Variants in CCDC148 observed in about 807,000 individuals in gnomAD.
The protein encoded by CCDC148 is coiled-coil domain containing 148, also known as coiled-coil domain-containing protein 148.
Under a neutral mutation model 85.7 loss-of-function variants are expected in CCDC148, and 89 were observed. The ratio of observed to expected loss-of-function variants is 1.04; its 90% CI spans 0.87 to 1.24. The LOEUF (loss-of-function observed/expected upper bound fraction) is 1.24, where lower values mean the gene tolerates loss of function less well. Among genes scored for constraint, CCDC148 ranks in the 50% most tolerant of loss-of-function variants. CCDC148 has a pLI of 0.00. For synonymous variants in CCDC148, 230 were observed against 213.9 expected (o/e 1.08, Z -0.66); for missense variants, 692 against 671.7 (o/e 1.03, Z -0.33).
At chr2:158,339,146 T>TA (rs1682543371) in intron 5 of CCDC148, 61 bp from the exon 6 acceptor site, 1 of 1,194,322 alleles carries the variant, frequency 8.4e-7, no homozygotes. Context: ...TATTTATATT[T>TA]AAAGACACAA....
In CCDC148 at chr2:158,220,638, G is replaced by T; in HGVS notation, c.1327C>A (p.Leu443Met). The T allele has an allele frequency of 6.2e-7, 1 of 1,600,760 alleles. No individual in the cohort carries two copies. The stretch of plus-strand genomic sequence containing the variant: ...GACTGTTCAGCGATTAATTTCTTCA[G>T]TTCTTCTAGACGCTGAAGATCTCTC... ...EMRDLQRLEE[L>M]KKLIAEQSLK... is the part of the protein sequence containing the mutation. Residue 443 changes from leucine to methionine, a missense_variant, in exon 11 of 14, where the codon CTG becomes ATG. Leu to Met is a conservative substitution (Grantham distance 15, BLOSUM62 2). Transcript: ENST00000283233.
chr2:158,350,750 A>G (rs7578565), intron 2 of CCDC148, among the ~76,000 whole-genome samples: 25,805 of 152,028 alleles, frequency 0.17, 3,494 homozygotes, highest in African/African-American at 0.38. Context: ...TTTGTATTAT[A>G]TTTTTAATTG....
chr2:158,366,092 G>C, intron 1 of CCDC148: 1 of 1,480,124 alleles, frequency 6.8e-7, no homozygotes, highest in Non-Finnish European at 9.1e-7. Flanking sequence ...AAGGAAACGA[G>C]AGAACTAAAA....
At chr2:158,329,452 C>T (rs1235202028) in intron 7 of CCDC148, among the ~76,000 whole-genome samples, 1 of 152,000 alleles carries the variant, frequency 6.6e-6, no homozygotes, top group Non-Finnish European at 1.5e-5. Context: ...GTGATGCCTC[C>T]AGCTTTGTTC....
intron 1 of CCDC148, among the ~76,000 whole-genome samples, chr2:158,408,312 C>T (rs1686112222): frequency 6.6e-6 from 1 of 152,172 alleles, no homozygotes; most frequent in East Asian, 1.9e-4. Context: ...AGTCATATTG[C>T]TGTACGTTAG....
chr2:158,348,297 T>C (rs2105252586), intron 2 of CCDC148, among the ~76,000 whole-genome samples: 1 of 152,164 alleles, frequency 6.6e-6, no homozygotes, highest in African/African-American at 2.4e-5. Flanking sequence ...ACTATCAATT[T>C]ACTGGAAATA....
At chr2:158,365,136 C>T (rs1684139375) in intron 1 of CCDC148, among the ~76,000 whole-genome samples, 1 of 152,052 alleles carries the variant, frequency 6.6e-6, no homozygotes, top group Admixed American at 6.6e-5. Flanking sequence ...GAATAACAAT[C>T]ATTAAAAAGT....
intron 9 of CCDC148, among the ~76,000 whole-genome samples, chr2:158,272,510 A>ACT (rs1254704332): frequency 6.6e-6 from 1 of 152,112 alleles, no homozygotes; most frequent in East Asian, 1.9e-4. Flanking sequence ...AAAAGAGGAA[A>ACT]CTCTATAATG....
intron 2 of CCDC148, among the ~76,000 whole-genome samples, chr2:158,356,771 C>G (rs2105264650): frequency 7.0e-6 from 1 of 143,418 alleles, no homozygotes; most frequent in African/African-American, 2.6e-5. Context: ...GCTATAAAGA[C>G]ACATGCACAC....
At chr2:158,220,281 T>C (rs1424544662) in intron 11 of CCDC148, among the ~76,000 whole-genome samples, 1 of 152,212 alleles carries the variant, frequency 6.6e-6, no homozygotes, top group Non-Finnish European at 1.5e-5. Context: ...TTCCTCCTTC[T>C]GGGTCAAGAG....
At chr2:158,243,604 A>G (rs1332972599) in intron 10 of CCDC148, among the ~76,000 whole-genome samples, 2 of 152,160 alleles carry the variant, frequency 1.3e-5, no homozygotes, top group African/African-American at 2.4e-5. Flanking sequence ...GAAAAGATCC[A>G]TGAGAAGCAC....
intron 11 of CCDC148, among the ~76,000 whole-genome samples, chr2:158,200,360 C>T (rs1357165786): frequency 6.6e-6 from 1 of 152,104 alleles, no homozygotes; most frequent in Non-Finnish European, 1.5e-5. Context: ...TCCTCTTTCC[C>T]CTGAATTTCC....
intron 11 of CCDC148, among the ~76,000 whole-genome samples, chr2:158,218,132 C>T (rs574777813): frequency 6.6e-6 from 1 of 152,224 alleles, no homozygotes; most frequent in Admixed American, 6.5e-5. Context: ...GCCTTTTTCA[C>T]TGATTTTCCA....
chr2:158,302,126 C>T (rs1045831456), intron 9 of CCDC148, among the ~76,000 whole-genome samples: 3 of 152,050 alleles, frequency 2.0e-5, no homozygotes, highest in Non-Finnish European at 2.9e-5. Flanking sequence ...GGAGAAGGAC[C>T]GAACTTGAAC....
At chr2:158,272,994 C>A (rs1689767364) in intron 9 of CCDC148, among the ~76,000 whole-genome samples, 1 of 151,996 alleles carries the variant, frequency 6.6e-6, no homozygotes, top group Admixed American at 6.6e-5. Flanking sequence ...GGATTTAAAG[C>A]CTTGGAAACA....
intron 11 of CCDC148, among the ~76,000 whole-genome samples, chr2:158,193,149 A>G (rs146677887): frequency 1.3e-5 from 2 of 152,224 alleles, no homozygotes; most frequent in Non-Finnish European, 2.9e-5. Context: ...TAACACATCA[A>G]CAAATCTATC....
At chr2:158,401,581 A>T (rs1024254109) in intron 1 of CCDC148, among the ~76,000 whole-genome samples, 2 of 152,044 alleles carry the variant, frequency 1.3e-5, no homozygotes, top group African/African-American at 4.8e-5. Context: ...TTAGGAGAAA[A>T]TACCTAATGT....
intron 7 of CCDC148, 179 bp downstream of exon 7, chr2:158,338,547 C>G (rs1682504961): frequency 1.9e-6 from 1 of 512,844 alleles, no homozygotes; most frequent in Non-Finnish European, 3.3e-6. Flanking sequence ...ACTATTATGT[C>G]AAGAAATTTT....
intron 9 of CCDC148, among the ~76,000 whole-genome samples, chr2:158,273,228 G>T (rs547278951): frequency 1.3e-5 from 2 of 152,300 alleles, no homozygotes; most frequent in East Asian, 1.9e-4. Flanking sequence ...AGAAGATGAA[G>T]ATGGGTTAAA....
Sources: gnomAD v4.1 joint callset for allele counts (sites outside exome capture counted in the v4.1 genomes callset) on GRCh38, gnomAD v4.1.1 for gene constraint, MANE v1.5 for transcripts, NCBI Gene and HGNC (gene_info 2026-07-23, HGNC 2026-07-21) for gene names.